The following LRP1B variants were observed in gnomAD, a reference collection of about 807,000 sequenced individuals.
The protein encoded by LRP1B is low-density lipoprotein receptor-related protein 1B.
Under a neutral mutation model 556.6 loss-of-function variants are expected in LRP1B, and 217 were observed. The observed-to-expected ratio is 0.39, with a 90% CI of 0.35 to 0.44. The LOEUF is 0.44. Among genes scored for constraint, LRP1B ranks in the 20% least tolerant of loss-of-function variants. The pLI, the probability that LRP1B is intolerant of heterozygous loss-of-function variation, is 1.00. For missense variants in LRP1B, 5,053 were observed against 5,620.8 expected (o/e 0.90, Z 3.23); for synonymous variants, 2,047 against 1,865.8 (o/e 1.10, Z -2.50).
At chr2:140,396,543 C>A (rs114849747) in intron 66 of LRP1B, among the ~76,000 whole-genome samples, 16 of 151,914 alleles carry the variant, frequency 1.1e-4, no homozygotes, top group Admixed American at 6.6e-4. Context: ...TAACAGAGGG[C>A]GATTATTTAT....
intron 7 of LRP1B, among the ~76,000 whole-genome samples, chr2:141,098,967 T>C (rs13423084): frequency 0.019 from 2,956 of 152,310 alleles, 102 homozygotes; most frequent in African/African-American, 0.067. Flanking sequence ...AAATGTCTCA[T>C]TAAGGCTTTT....
At chr2:141,074,527 A>C (rs545187912) in intron 7 of LRP1B, among the ~76,000 whole-genome samples, 2 of 150,578 alleles carry the variant, frequency 1.3e-5, no homozygotes, top group Admixed American at 6.7e-5. Context: ...GAACTTAGCC[A>C]TATGTCTGCA....
chr2:140,914,099 CA>C (rs1446565427), intron 21 of LRP1B, among the ~76,000 whole-genome samples: 4 of 151,990 alleles, frequency 2.6e-5, no homozygotes, highest in Admixed American at 2.6e-4. Context: ...TAAGATTCAG[CA>C]AATTTGAACG....
chr2:141,195,414 T>C (rs78408978), intron 6 of LRP1B, among the ~76,000 whole-genome samples: 4,759 of 152,216 alleles, frequency 0.031, 253 homozygotes, highest in African/African-American at 0.11. Context: ...CACTCCTGAA[T>C]TTCTGACCCA....
intron 1 of LRP1B, among the ~76,000 whole-genome samples, chr2:142,090,876 G>T (rs989549529): frequency 1.3e-5 from 2 of 151,978 alleles, no homozygotes; most frequent in South Asian, 2.1e-4. Flanking sequence ...TAAATATCAG[G>T]ATATGCTAAA....
intron 41 of LRP1B, among the ~76,000 whole-genome samples, chr2:140,605,851 C>T (rs1682849116): frequency 6.6e-6 from 1 of 152,004 alleles, no homozygotes; most frequent in Non-Finnish European, 1.5e-5. Flanking sequence ...ATAGAACTTC[C>T]TCAACTTGAT....
At chr2:140,829,536 G>T (rs1691642625) in intron 31 of LRP1B, among the ~76,000 whole-genome samples, 2 of 151,720 alleles carry the variant, frequency 1.3e-5, no homozygotes, top group Admixed American at 1.3e-4. Context: ...ATAATCAATG[G>T]GTCAATGAAG....
At chr2:141,426,044 A>G (rs1680350651) in intron 3 of LRP1B, among the ~76,000 whole-genome samples, 1 of 151,780 alleles carries the variant, frequency 6.6e-6, no homozygotes. Flanking sequence ...TAGGGTTTTT[A>G]TGGTTTTAGG....
At chr2:140,520,926 C>A (rs1690143276) in intron 49 of LRP1B, among the ~76,000 whole-genome samples, 2 of 148,366 alleles carry the variant, frequency 1.3e-5, no homozygotes, top group African/African-American at 5.0e-5. Context: ...AAAGCCTTAA[C>A]AATAGATTAG....
chr2:141,218,033 C>T (rs536228770), intron 6 of LRP1B, among the ~76,000 whole-genome samples: 4 of 152,114 alleles, frequency 2.6e-5, no homozygotes, highest in South Asian at 2.1e-4. Flanking sequence ...CAATGAGATA[C>T]CATCTCAAAC....
intron 59 of LRP1B, among the ~76,000 whole-genome samples, chr2:140,482,663 A>T (rs1202937550): frequency 6.6e-6 from 1 of 152,156 alleles, no homozygotes; most frequent in African/African-American, 2.4e-5. Context: ...TAAATACCAT[A>T]TCTAAAGTGC....
At chr2:141,326,510 G>T (rs1687435030) in intron 3 of LRP1B, among the ~76,000 whole-genome samples, 1 of 152,130 alleles carries the variant, frequency 6.6e-6, no homozygotes, top group African/African-American at 2.4e-5. Flanking sequence ...CTATGAAATG[G>T]GGTGTGTATT....
chr2:141,155,356 A>G (rs944453509), intron 7 of LRP1B, among the ~76,000 whole-genome samples: 1 of 151,698 alleles, frequency 6.6e-6, no homozygotes, highest in African/African-American at 2.4e-5. Context: ...GCATACTTAC[A>G]TTTTCTTATG....
chr2:140,894,206 C>A (rs1258223426), intron 23 of LRP1B, among the ~76,000 whole-genome samples: 7 of 152,058 alleles, frequency 4.6e-5, no homozygotes, highest in Non-Finnish European at 1.0e-4. Flanking sequence ...TATCTTGACC[C>A]CTTTCTATTA....
At chr2:140,389,958 A>T (rs1200271606) in intron 66 of LRP1B, among the ~76,000 whole-genome samples, 1 of 151,886 alleles carries the variant, frequency 6.6e-6, no homozygotes, top group African/African-American at 2.4e-5. Flanking sequence ...TTGAAACCCC[A>T]TCTCTACTAA....
intron 32 of LRP1B, among the ~76,000 whole-genome samples, chr2:140,803,299 G>C (rs1224794227): frequency 8.6e-6 from 1 of 116,224 alleles, no homozygotes; most frequent in African/African-American, 3.7e-5. Context: ...TTCCGAGATG[G>C]AGTCTCCCTC....
intron 40 of LRP1B, 37 bp from the exon 41 acceptor site, chr2:140,700,658 A>G (rs1251250665): frequency 6.3e-7 from 1 of 1,583,846 alleles, no homozygotes; most frequent in East Asian, 2.3e-5. Flanking sequence ...GCACATGTTT[A>G]TGTTTTTCTT....
intron 3 of LRP1B, among the ~76,000 whole-genome samples, chr2:141,301,657 T>A (rs1359818284): frequency 1.3e-5 from 2 of 152,200 alleles, no homozygotes; most frequent in Non-Finnish European, 2.9e-5. Context: ...AGTGGCCAAT[T>A]TGGACCTGTA....
chr2:141,325,187 C>A (rs916079591), intron 3 of LRP1B, among the ~76,000 whole-genome samples: 1 of 148,474 alleles, frequency 6.7e-6, no homozygotes, highest in African/African-American at 2.5e-5. Flanking sequence ...AGGGCTAATA[C>A]CACAATCTGA....
Sources: allele counts gnomAD v4.1 joint callset (sites outside exome capture counted in the v4.1 genomes callset), GRCh38; gene constraint gnomAD v4.1.1; transcripts MANE v1.5; gene names NCBI Gene and HGNC (gene_info 2026-07-23, HGNC 2026-07-21).